The following LTBP1 variants were observed in gnomAD, a reference collection of about 807,000 sequenced individuals.
The protein encoded by LTBP1 is latent transforming growth factor beta binding protein 1.
LTBP1 carries 129 observed loss-of-function variants against 207.6 expected under a neutral mutation model. That is an observed-to-expected ratio of 0.62 (90% confidence interval 0.54 to 0.72). The LOEUF (loss-of-function observed/expected upper bound fraction) is 0.72, where lower values mean the gene tolerates loss of function less well. Among genes scored for constraint, LTBP1 ranks in the 30% least tolerant of loss-of-function variants. LTBP1 has a pLI of 0.00. For missense variants in LTBP1, 2,281 were observed against 2,217.2 expected (o/e 1.03, Z -0.58); for synonymous variants, 963 against 833.7 (o/e 1.16, Z -2.67).
chr2:33,165,427 A>C (rs992021479), intron 5 of LTBP1, among the ~76,000 whole-genome samples: 7 of 152,224 alleles, frequency 4.6e-5, no homozygotes, highest in Admixed American at 4.6e-4. Context: ...GTTCATAAGG[A>C]ATATTCTTTA....
At chr2:33,167,386 T>C (rs1467887106) in intron 5 of LTBP1, among the ~76,000 whole-genome samples, 1 of 149,456 alleles carries the variant, frequency 6.7e-6, no homozygotes, top group African/African-American at 2.5e-5. Flanking sequence ...ACCAAACATA[T>C]ATTAGGTACC....
intron 16 of LTBP1, 86 bp from the exon 17 acceptor site, chr2:33,274,879 G>C (rs745996439): frequency 1.2e-5 from 16 of 1,347,300 alleles, no homozygotes; most frequent in Non-Finnish European, 1.6e-5. Context: ...GGTACCCAGG[G>C]AATAGTATGA....
At chr2:33,395,137 T>C (rs1050287709) in intron 32 of LTBP1, among the ~76,000 whole-genome samples, 5 of 152,220 alleles carry the variant, frequency 3.3e-5, no homozygotes, top group Admixed American at 2.0e-4. Context: ...ATACTTCTAC[T>C]GAGTGCAGAC....
chr2:33,376,624 G>C (rs2095143103), intron 31 of LTBP1, among the ~76,000 whole-genome samples: 1 of 152,158 alleles, frequency 6.6e-6, no homozygotes, highest in South Asian at 2.1e-4. Flanking sequence ...TTTATAATCA[G>C]TATCTTCCAT....
At chr2:33,025,409 T>C (rs1002240827) in intron 3 of LTBP1, among the ~76,000 whole-genome samples, 2 of 152,188 alleles carry the variant, frequency 1.3e-5, no homozygotes, top group African/African-American at 2.4e-5. Context: ...CTGACTAAGA[T>C]TTCAACAAAA....
chr2:33,065,567 A>G (rs1047133316), intron 3 of LTBP1, among the ~76,000 whole-genome samples: 1 of 149,896 alleles, frequency 6.7e-6, no homozygotes. Context: ...CTCTACAGGA[A>G]AAAAAAAAAT....
chr2:32,975,566 G>A (rs1201897690), intron 2 of LTBP1, among the ~76,000 whole-genome samples: 2 of 89,536 alleles, frequency 2.2e-5, no homozygotes, highest in Non-Finnish European at 4.5e-5. Context: ...ATTTGTTGGA[G>A]GTTTCATTCA....
chr2:33,376,882 A>G (rs1320107073), intron 31 of LTBP1, among the ~76,000 whole-genome samples: 1 of 152,148 alleles, frequency 6.6e-6, no homozygotes, highest in East Asian at 1.9e-4. Flanking sequence ...AATGAATGGC[A>G]GAGAAGCCAG....
rs2082010811 is a variant in LTBP1, at chr2:33,134,675, T to C, written c.1034-118T>C. 3.8e-6 allele frequency: 6 copies of C among 1,587,832 alleles called. No homozygotes were observed. ...AACCTGTCGGGTTGTGGGCTCTCTC[T>C]TTTCCCCTCTTGCTCCTTTCTTTTC... On this transcript the variant is annotated intron_variant, in intron 4 of 33. Coordinates refer to ENST00000404816, the MANE Select transcript of LTBP1 (RefSeq NM_206943.4). The surrounding 1 kb of genome is among the most constrained non-coding windows in gnomAD (Gnocchi z 4.4).
At chr2:33,135,523 G>T (rs916383573) in intron 5 of LTBP1, among the ~76,000 whole-genome samples, 5 of 149,048 alleles carry the variant, frequency 3.4e-5, no homozygotes, top group Non-Finnish European at 4.5e-5. Flanking sequence ...GATATATAAC[G>T]TGGATTTGGG....
At position 33,178,177 on chromosome 2, in the gene LTBP1, C is replaced by T. The variant is rs938134200; in HGVS notation, c.1202-8679C>T. On this transcript the variant is annotated intron_variant, in intron 5 of 33. Coordinates refer to ENST00000404816, the MANE Select transcript of LTBP1 (RefSeq NM_206943.4). ...AATCTCAAGGTGTTTGGTGTTTCTG[C>T]AGCCAACAAATGTTGCTGCGTTTTT... Among the ~76,000 whole-genome samples the T allele has an allele frequency of 3.3e-5, 5 of 152,306 alleles. No individual in the cohort carries two copies. The East Asian group carries it at 5.8e-4, about 18-fold the overall frequency.
intron 3 of LTBP1, among the ~76,000 whole-genome samples, chr2:33,083,115 C>T (rs1436175718): frequency 6.6e-6 from 1 of 151,884 alleles, no homozygotes; most frequent in Non-Finnish European, 1.5e-5. Context: ...CTGCTTGCTG[C>T]AGGTCTCTTT....
chr2:32,965,157 G>A (rs937825646), intron 2 of LTBP1, among the ~76,000 whole-genome samples: 3 of 152,120 alleles, frequency 2.0e-5, no homozygotes, highest in Non-Finnish European at 4.4e-5. Flanking sequence ...TGGTCAAAGT[G>A]GACAGTGGAG....
chr2:33,114,385 G>GT, intron 4 of LTBP1, among the ~76,000 whole-genome samples: 1 of 152,280 alleles, frequency 6.6e-6, no homozygotes, highest in South Asian at 2.1e-4. Context: ...TGTAGATCAG[G>GT]TGGCTGGATT....
At chr2:33,271,619 GA>G (rs2093323686) in intron 15 of LTBP1, among the ~76,000 whole-genome samples, 1 of 152,064 alleles carries the variant, frequency 6.6e-6, no homozygotes, top group African/African-American at 2.4e-5. Flanking sequence ...AAAGTGCCAA[GA>G]CATGCTTAGT....
chr2:33,388,599 C>A (rs2095287883), intron 31 of LTBP1, among the ~76,000 whole-genome samples: 1 of 152,142 alleles, frequency 6.6e-6, no homozygotes, highest in Admixed American at 6.5e-5. Flanking sequence ...GTTGTTATTA[C>A]CACTACCACG....
In LTBP1 at chr2:32,960,431, GAAT is replaced by G. The variant is rs1678913357; in HGVS notation, c.565+11487_565+11489del. Among the ~76,000 whole-genome samples the G allele has an allele frequency of 1.1e-4, 16 of 150,444 alleles. No homozygotes were observed. The South Asian group carries it at 3.2e-3, about 30-fold the overall frequency. ...TGAATGAATGAATGAATGAATGAAT[GAAT>G]GGATTGATTTGTTGTACTTTCACCA... On this transcript the variant is annotated intron_variant, in intron 2 of 33. Coordinates refer to ENST00000404816, the MANE Select transcript of LTBP1 (RefSeq NM_206943.4).
intron 4 of LTBP1, among the ~76,000 whole-genome samples, chr2:33,130,929 T>C (rs1276772729): frequency 1.3e-5 from 2 of 152,194 alleles, no homozygotes; most frequent in Non-Finnish European, 2.9e-5. Context: ...GCACAGAAGT[T>C]GTGCCAGTGG....
chr2:33,293,854 A>G (rs2093821436), intron 20 of LTBP1, among the ~76,000 whole-genome samples: 1 of 152,058 alleles, frequency 6.6e-6, no homozygotes, highest in South Asian at 2.1e-4. Context: ...CATTCCATTC[A>G]TAACTTTTTT....
Sources: allele counts gnomAD v4.1 joint callset (sites outside exome capture counted in the v4.1 genomes callset), GRCh38; gene constraint gnomAD v4.1.1; non-coding constraint Gnocchi (gnomAD v3.1); transcripts MANE v1.5; gene names NCBI Gene and HGNC (gene_info 2026-07-23, HGNC 2026-07-21).